NXPH1: variants seen among roughly 807,000 people sequenced by gnomAD.
NXPH1 encodes the protein neurexophilin 1.
Under a neutral mutation model 23.7 loss-of-function variants are expected in NXPH1, and 5 were observed. The ratio of observed to expected loss-of-function variants is 0.21; its 90% confidence interval spans 0.11 to 0.44. The LOEUF is 0.44. NXPH1 is among the 20% of genes least tolerant of loss of function. The probability of loss-of-function intolerance (pLI) is 0.99; values close to 1 mark genes in which losing one functional copy is unlikely to be tolerated. For missense variants in NXPH1, 324 were observed against 321.6 expected (o/e 1.01, Z -0.06); for synonymous variants, 144 against 122.2 (o/e 1.18, Z -1.18).
intron 2 of NXPH1, among the ~76,000 whole-genome samples, chr7:8,497,345 A>T (rs1817354871): frequency 6.6e-6 from 1 of 152,170 alleles, no homozygotes; most frequent in Non-Finnish European, 1.5e-5. Context: ...TCTTTATAGC[A>T]GCATGATTTA....
chr7:8,608,409 C>T (rs903835780), intron 2 of NXPH1, among the ~76,000 whole-genome samples: 1 of 150,774 alleles, frequency 6.6e-6, no homozygotes, highest in African/African-American at 2.4e-5. Context: ...CTCACTGCAA[C>T]TTCAGCCTCC....
intron 2 of NXPH1, among the ~76,000 whole-genome samples, chr7:8,743,838 C>T (rs1780421905): frequency 6.6e-6 from 1 of 152,032 alleles, no homozygotes; most frequent in Non-Finnish European, 1.5e-5. Context: ...CACCCACCAC[C>T]GTGCCCGGCC....
chr7:8,481,102 G>A (rs1295637751), intron 2 of NXPH1, among the ~76,000 whole-genome samples: 1 of 152,152 alleles, frequency 6.6e-6, no homozygotes, highest in Admixed American at 6.5e-5. Context: ...GTGGATGTTG[G>A]TTGAGAGTTC....
At chr7:8,577,588 C>T (rs957603082) in intron 2 of NXPH1, among the ~76,000 whole-genome samples, 1 of 152,198 alleles carries the variant, frequency 6.6e-6, no homozygotes, top group East Asian at 1.9e-4. Flanking sequence ...ATCAATTACA[C>T]ACTGTGCATG....
chr7:8,597,196 A>C (rs893799678), intron 2 of NXPH1, among the ~76,000 whole-genome samples: 3 of 152,098 alleles, frequency 2.0e-5, no homozygotes, highest in African/African-American at 7.2e-5. Context: ...GAAGTGTTCA[A>C]GAGATGAGAA....
intron 2 of NXPH1, among the ~76,000 whole-genome samples, chr7:8,733,081 A>G (rs1052463374): frequency 4.0e-5 from 6 of 150,960 alleles, no homozygotes; most frequent in Non-Finnish European, 7.4e-5. Context: ...CCCTGTGTCC[A>G]TGTGTTCTCA....
chr7:8,677,162 G>T (rs1820964659), intron 2 of NXPH1, among the ~76,000 whole-genome samples: 1 of 152,174 alleles, frequency 6.6e-6, no homozygotes, highest in Admixed American at 6.5e-5. Context: ...GAGACCTAAG[G>T]AAACTAGAAT....
intron 2 of NXPH1, among the ~76,000 whole-genome samples, chr7:8,693,086 T>A (rs17153989): frequency 6.6e-6 from 1 of 151,732 alleles, no homozygotes; most frequent in African/African-American, 2.4e-5. Flanking sequence ...AGAGTGGAAA[T>A]GGAACTTAAG....
At chr7:8,575,265 T>A (rs1818730317) in intron 2 of NXPH1, among the ~76,000 whole-genome samples, 1 of 152,202 alleles carries the variant, frequency 6.6e-6, no homozygotes, top group South Asian at 2.1e-4. Flanking sequence ...TGATAAGTTT[T>A]CTTACTTCAT....
intron 2 of NXPH1, among the ~76,000 whole-genome samples, chr7:8,507,294 A>G (rs1584199951): frequency 6.6e-6 from 1 of 151,838 alleles, no homozygotes; most frequent in South Asian, 2.1e-4. Flanking sequence ...AAGATGAAGA[A>G]TTTGAAGGTG....
chr7:8,512,869 A>T lies in NXPH1; in HGVS notation c.54+77102A>T, dbSNP rs565053046. Among the ~76,000 whole-genome samples, 27 of 152,242 alleles carry T rather than the reference A, an allele frequency of 1.8e-4. No individual in the cohort carries two copies. The East Asian group carries it at 3.7e-3, about 21-fold the overall frequency. On this transcript the variant is annotated intron_variant, in intron 2 of 2. Transcript: ENST00000405863. The stretch of plus-strand genomic sequence containing the variant: ...CTTCTTAGCAGAAAACCAAATTAGA[A>T]TTCTAACTACATTCTTAGAAACAGT...
At chr7:8,466,636 T>C (rs1198333211) in intron 2 of NXPH1, among the ~76,000 whole-genome samples, 1 of 152,134 alleles carries the variant, frequency 6.6e-6, no homozygotes, top group African/African-American at 2.4e-5. Context: ...TTAAGGAAGA[T>C]GGTGTGGGGA....
intron 2 of NXPH1, among the ~76,000 whole-genome samples, chr7:8,586,648 C>T (rs983997): frequency 0.36 from 51,697 of 143,450 alleles, 11,327 homozygotes; most frequent in African/African-American, 0.66. Flanking sequence ...TATATATATA[C>T]ACACACACAC....
intron 2 of NXPH1, among the ~76,000 whole-genome samples, chr7:8,691,332 AG>A (rs1224950375): frequency 3.3e-5 from 5 of 151,918 alleles, no homozygotes; most frequent in Non-Finnish European, 7.4e-5. Context: ...TATTTTTTGT[AG>A]AGACAGGGTT....
intron 2 of NXPH1, among the ~76,000 whole-genome samples, chr7:8,599,485 A>T (rs1819305416): frequency 6.6e-6 from 1 of 152,076 alleles, no homozygotes. Context: ...TTCTTGGCTT[A>T]GTGTATGAGG....
intron 2 of NXPH1, among the ~76,000 whole-genome samples, chr7:8,557,684 AC>A (rs2128620340): frequency 6.6e-6 from 1 of 151,758 alleles, no homozygotes; most frequent in African/African-American, 2.4e-5. Flanking sequence ...TGCAGTAAAA[AC>A]ATTTCCTTCT....
chr7:8,440,569 A>T (rs1290179727), intron 2 of NXPH1, among the ~76,000 whole-genome samples: 1 of 151,994 alleles, frequency 6.6e-6, no homozygotes, highest in Non-Finnish European at 1.5e-5. Context: ...TTTTTTTGAG[A>T]TAGGTGCCCA....
chr7:8,651,384 G>A (rs1820490458), intron 2 of NXPH1, among the ~76,000 whole-genome samples: 1 of 106,470 alleles, frequency 9.4e-6, no homozygotes, highest in South Asian at 4.4e-4. Context: ...TTGGACATTT[G>A]GGTTGGTTCC....
Position 8,435,780 on chromosome 7 carries a change from A to G in NXPH1, c.54+13A>G, listed in dbSNP as rs79827866. 0.028 allele frequency: 44,776 copies of G among 1,613,518 alleles called. 1,500 individuals carry two copies. The highest frequency in any genetic ancestry group is 0.15 in the African/African-American group (11,523 of 74,934). ...CACCGTCTACTTGGTAAGTCTTGGA[A>G]GGTTCGGGGCTTTCGCATTTTTACC... On this transcript the variant is annotated intron_variant, in intron 2 of 2. Transcript: ENST00000405863. The surrounding 1 kb of genome is among the most constrained non-coding windows in gnomAD (Gnocchi z 5.9).
Sources: allele counts gnomAD v4.1 joint callset (sites outside exome capture counted in the v4.1 genomes callset), GRCh38; gene constraint gnomAD v4.1.1; non-coding constraint Gnocchi (gnomAD v3.1); transcripts MANE v1.5; gene names NCBI Gene and HGNC (gene_info 2026-07-23, HGNC 2026-07-21).